The following NWD1 variants were observed in gnomAD, a reference collection of about 807,000 sequenced individuals.
NWD1 encodes the protein NACHT and WD repeat domain containing 1.
A neutral mutation model predicts 135.1 loss-of-function variants in NWD1; 129 were observed. The ratio of observed to expected loss-of-function variants is 0.96; its 90% confidence interval spans 0.83 to 1.11. The LOEUF is 1.11. NWD1 is among the 50% of genes least tolerant of loss of function. The probability of loss-of-function intolerance (pLI) is 0.00; values close to 1 mark genes in which losing one functional copy is unlikely to be tolerated. For synonymous variants in NWD1, 773 were observed against 786.0 expected (o/e 0.98, Z 0.28); for missense variants, 1,740 against 1,851.3 (o/e 0.94, Z 1.10).
At chr19:16,761,953 T>C in intron 7 of NWD1, 26 bp from the exon 8 acceptor site, 1 of 1,591,500 alleles carries the variant, frequency 6.3e-7, no homozygotes, top group Non-Finnish European at 8.6e-7. Context: ...CACCCAGGTC[T>C]ATCAGTCTGT....
intron 18 of NWD1, among the ~76,000 whole-genome samples, chr19:16,811,685 C>A (rs1360224633): frequency 6.6e-6 from 1 of 151,986 alleles, no homozygotes; most frequent in Non-Finnish European, 1.5e-5. Flanking sequence ...GTATCTAAAC[C>A]TTTCTATCCA....
At chr19:16,746,107 C>A (rs943033468) in intron 5 of NWD1, among the ~76,000 whole-genome samples, 3 of 151,922 alleles carry the variant, frequency 2.0e-5, no homozygotes, top group African/African-American at 7.3e-5. Context: ...GTAATCCCAG[C>A]ACTTTGGGAG....
In NWD1 at chr19:16,773,939, TATCCATCCATCC is replaced by T. The variant is rs200226720; in HGVS notation, c.2608+643_2608+654del. ...CCACCCATCCATTCATCCATCCATC[TATCCATCCATCC>T]ATCCATCCATCCATCCATCCATCCA... On this transcript the variant is annotated intron_variant, in intron 11 of 18. Coordinates refer to ENST00000524140, the MANE Select transcript of NWD1 (RefSeq NM_001007525.5). 3.2e-3 allele frequency among the ~76,000 whole-genome samples: 403 copies of T among 124,484 alleles called. 4 individuals carry two copies. Among genetic ancestry groups the T allele is most frequent in the African/African-American group, 9.9e-3 (321 of 32,338 alleles). 81.7% of individuals were successfully genotyped at this position (124,484 alleles called of 152,430 possible). A position where few individuals can be genotyped will look rare whatever the true frequency, so the allele number is the denominator to read the frequency against.
rs1971091733 is a variant in NWD1, at chr19:16,817,300, A to G, written c.*2261A>G. 6.7e-6 allele frequency: 1 copy of G among 149,626 alleles called. No homozygotes were observed. The highest frequency in any genetic ancestry group is 2.1e-4 in the South Asian group (1 of 4,762). 9.3% of individuals were successfully genotyped at this position (149,626 alleles called of 1,614,324 possible). On this transcript the variant is annotated 3_prime_UTR_variant, in exon 19 of 19. Transcript: ENST00000524140. ...GGGTGACAGAGCAAGACTCCATCTC[A>G]TAATAATAATAATAATGGCAAAAGC...
chr19:16,757,582 T>C (rs1438445094), intron 6 of NWD1, among the ~76,000 whole-genome samples: 2 of 152,168 alleles, frequency 1.3e-5, no homozygotes, highest in African/African-American at 2.4e-5. Flanking sequence ...CTGATGACCA[T>C]GCACAGCCCT....
intron 3 of NWD1, among the ~76,000 whole-genome samples, chr19:16,736,226 T>TTCCTTCCTTCCTTCCTTCCTTCCTTCCC (rs1363170317): frequency 8.0e-5 from 12 of 150,646 alleles, no homozygotes; most frequent in Non-Finnish European, 1.3e-4. Context: ...CCTTCCTTCC[T>TTCCTTCCTTCCTTCCTTCCTTCCTTCCC]ACCTTCCTCT....
chr19:16,812,317 A>AACAAAT (rs1200825661), intron 18 of NWD1, among the ~76,000 whole-genome samples: 1 of 151,768 alleles, frequency 6.6e-6, no homozygotes, highest in Non-Finnish European at 1.5e-5. Flanking sequence ...CAAAAACAAA[A>AACAAAT]AAAAGGCCTG....
chr19:16,728,523 C>G (rs900105291), intron 2 of NWD1, among the ~76,000 whole-genome samples: 1 of 151,908 alleles, frequency 6.6e-6, no homozygotes, highest in Non-Finnish European at 1.5e-5. Context: ...GACCTCAGGT[C>G]ATCTGCCCCA....
At position 16,775,305 on chromosome 19, in the gene NWD1, A is replaced by AAT. The variant is rs200555574; in HGVS notation, c.2608+1983_2608+1984insTA. Among the ~76,000 whole-genome samples the AAT allele has an allele frequency of 2.8e-3, 430 of 151,464 alleles. 3 individuals carry two copies. The highest frequency in any genetic ancestry group is 9.9e-3 in the African/African-American group (407 of 41,208). ...GAATATAGGCTCAGATGTTGTAAAA[A>AAT]AAAATGGCCAAAATATCAGTGGCTT... On this transcript the variant is annotated intron_variant, in intron 11 of 18. Coordinates refer to ENST00000524140, the MANE Select transcript of NWD1 (RefSeq NM_001007525.5).
chr19:16,726,181 C>T (rs994480407), intron 2 of NWD1, among the ~76,000 whole-genome samples: 8 of 151,674 alleles, frequency 5.3e-5, no homozygotes, highest in South Asian at 4.2e-4. Context: ...AGGCTGGTCT[C>T]GAACTCTTGA....
In NWD1 at chr19:16,788,985, A is replaced by T. The variant is rs1212367029; in HGVS notation, c.2735A>T (p.Glu912Val). ...CCCCTACCCTGGCCTGCTGCAGGAG[A>T]GGTGAGGTGTGTGAAAATATTTGCC... ...VIHMLTGHTG[E>V]VRCVKIFAKG... is the part of the protein sequence containing the mutation. Residue 912 changes from glutamate to valine, a missense_variant, in exon 13 of 19, where the codon GAG (glutamate) becomes GTG (valine). Transcript: ENST00000524140. The T allele has an allele frequency of 2.5e-6, 4 of 1,610,700 alleles. No individual in the cohort carries two copies. The highest frequency in any genetic ancestry group is 3.4e-6 in the Non-Finnish European group (4 of 1,178,718).
chr19:16,739,734 C>T lies in NWD1; in HGVS notation c.198+2984C>T, dbSNP rs373858739. On this transcript the variant is annotated intron_variant, in intron 4 of 18. Transcript: ENST00000524140. ...TGGTAAATAAGTCATTAGGCAGCAC[C>T]GAGGCCGGGGACAGCTCCCCATGGC... 4.6e-5 allele frequency among the ~76,000 whole-genome samples: 7 copies of T among 152,216 alleles called. No individual in the cohort carries two copies. The East Asian group carries it at 9.6e-4, about 21-fold the overall frequency.
chr19:16,747,185 C>T (rs993557631), intron 5 of NWD1, among the ~76,000 whole-genome samples: 6 of 151,428 alleles, frequency 4.0e-5, no homozygotes, highest in Middle Eastern at 3.4e-3. Flanking sequence ...TACAGGCATG[C>T]GCCACCTCGC....
At chr19:16,792,150 G>A (rs1261408904) in intron 14 of NWD1, among the ~76,000 whole-genome samples, 2 of 152,172 alleles carry the variant, frequency 1.3e-5, no homozygotes, top group Non-Finnish European at 2.9e-5. Flanking sequence ...GACATGGTGT[G>A]GAATGAGGTT....
At chr19:16,733,470 G>A (rs1433473908) in intron 3 of NWD1, among the ~76,000 whole-genome samples, 6 of 148,298 alleles carry the variant, frequency 4.0e-5, no homozygotes, top group Non-Finnish European at 5.9e-5. Context: ...GCAGTGAGCC[G>A]AGATAACGCC....
intron 3 of NWD1, among the ~76,000 whole-genome samples, chr19:16,735,855 A>G (rs1568337435): frequency 1.9e-5 from 1 of 52,362 alleles, no homozygotes; most frequent in Non-Finnish European, 4.3e-5. Context: ...GGAAGGAAGG[A>G]AGGAAGGAAG....
intron 17 of NWD1, 57 bp downstream of exon 17, chr19:16,800,219 T>C (rs1970562566): frequency 6.8e-7 from 1 of 1,469,456 alleles, no homozygotes; most frequent in East Asian, 2.3e-5. Context: ...CCATCTGTCT[T>C]AGTTTAGGCT....
intron 14 of NWD1, among the ~76,000 whole-genome samples, chr19:16,793,735 C>A (rs981630894): frequency 6.6e-6 from 1 of 151,796 alleles, no homozygotes; most frequent in Non-Finnish European, 1.5e-5. Context: ...TGCCACCACG[C>A]CCGGCTAATT....
At chr19:16,745,246 C>A (rs1348450103) in intron 5 of NWD1, 3 of 339,038 alleles carry the variant, frequency 8.8e-6, no homozygotes, top group African/African-American at 4.4e-5. Context: ...ATGGGGGAAA[C>A]TATCCCCCAT....
Sources: gnomAD v4.1 joint callset for allele counts (sites outside exome capture counted in the v4.1 genomes callset) on GRCh38, gnomAD v4.1.1 for gene constraint, MANE v1.5 for transcripts, NCBI Gene and HGNC (gene_info 2026-07-23, HGNC 2026-07-21) for gene names.